Variants in NBEA observed in about 807,000 individuals in gnomAD.
The protein encoded by NBEA is lysosomal-trafficking regulator 2.
In NBEA, 44 loss-of-function variants were observed where a neutral mutation model predicts 343.4. The ratio of observed to expected loss-of-function variants is 0.13; its 90% confidence interval spans 0.10 to 0.16. The LOEUF (loss-of-function observed/expected upper bound fraction) is 0.16. Among genes scored for constraint, NBEA ranks in the 10% least tolerant of loss-of-function variants. The pLI is 1.00. For synonymous variants in NBEA, 1,175 were observed against 1,238.7 expected (o/e 0.95, Z 1.08); for missense variants, 2,555 against 3,631.3 (o/e 0.70, Z 7.62).
chr13:35,522,495 A>G (rs926546871), intron 41 of NBEA, among the ~76,000 whole-genome samples: 7 of 144,200 alleles, frequency 4.9e-5, no homozygotes, highest in East Asian at 2.3e-4. Context: ...AAAAAAAAAA[A>G]AAAAAAAAAA....
At chr13:35,500,045 C>T (rs2076826166) in intron 41 of NBEA, among the ~76,000 whole-genome samples, 1 of 152,130 alleles carries the variant, frequency 6.6e-6, no homozygotes, top group Non-Finnish European at 1.5e-5. Context: ...GTCAAGCGTA[C>T]TCTGAAGAGT....
At chr13:35,206,159 AT>A (rs199677983) in intron 31 of NBEA, among the ~76,000 whole-genome samples, 2 of 151,378 alleles carry the variant, frequency 1.3e-5, no homozygotes, top group East Asian at 1.9e-4. Flanking sequence ...GGATTTAGAG[AT>A]TTTTTTTCTC....
chr13:35,445,591 A>G (rs923129230), intron 39 of NBEA, among the ~76,000 whole-genome samples: 1 of 151,698 alleles, frequency 6.6e-6, no homozygotes, highest in Non-Finnish European at 1.5e-5. Context: ...AGTACATGAA[A>G]AGTAACTTAA....
At chr13:35,065,726 C>T (rs930486538) in intron 8 of NBEA, among the ~76,000 whole-genome samples, 9 of 152,078 alleles carry the variant, frequency 5.9e-5, no homozygotes, top group African/African-American at 1.7e-4. Context: ...AGGAAAGCTA[C>T]AAGCACTATC....
At chr13:35,317,444 G>A (rs952508678) in intron 36 of NBEA, among the ~76,000 whole-genome samples, 2 of 152,062 alleles carry the variant, frequency 1.3e-5, no homozygotes, top group East Asian at 3.9e-4. Flanking sequence ...TGAGGCCTCT[G>A]TTCTATTCCG....
Position 35,671,152 on chromosome 13 carries a change from TTG to T in NBEA, c.*167_*168del. 1 of 569,504 alleles carries T rather than the reference TTG, an allele frequency of 1.8e-6. No individual in the cohort carries two copies. The allele number at this position is 569,504 out of a possible 1,614,324, so 35.3% of individuals were successfully genotyped here. ...CATTGTAGTCAGCAACCATTTTACT[TTG>T]TGTGTTTTTTCACGACTGAACACCA... is the stretch of plus-strand genomic sequence containing the variant. On this transcript the variant is annotated 3_prime_UTR_variant, in exon 59 of 59. Coordinates refer to ENST00000379939, the MANE Select transcript of NBEA (RefSeq NM_001385012.1).
rs117067849 is a variant in NBEA at position 35,357,287 on chromosome 13, T to C, written c.6179+4964T>C. Among the ~76,000 whole-genome samples, 802 of 152,084 alleles carry C rather than the reference T, an allele frequency of 5.3e-3. 3 individuals carry two copies. Among genetic ancestry groups the C allele is most frequent in the Non-Finnish European group, 8.7e-3 (590 of 67,946 alleles). Reference sequence around the variant, plus strand: ...ATCTCGAACAGAGAGGTTTTTTTGTTTTTCTTTTTTGTTGTTTTTTTTTTA... The same window carrying C: ...ATCTCGAACAGAGAGGTTTTTTTGTCTTTCTTTTTTGTTGTTTTTTTTTTA... On this transcript the variant is annotated intron_variant, in intron 38 of 58. Transcript: ENST00000379939.
intron 38 of NBEA, among the ~76,000 whole-genome samples, chr13:35,406,074 C>T (rs2043253212): frequency 6.6e-6 from 1 of 151,968 alleles, no homozygotes; most frequent in Non-Finnish European, 1.5e-5. Context: ...GTTAAAGACG[C>T]GAAGAGTGAA....
At chr13:35,263,528 A>G (rs1345590442) in intron 34 of NBEA, among the ~76,000 whole-genome samples, 1 of 152,160 alleles carries the variant, frequency 6.6e-6, no homozygotes, top group Non-Finnish European at 1.5e-5. Context: ...AACATGTATC[A>G]CAAAACAAGT....
chr13:35,556,075 C>T (rs373991950), intron 44 of NBEA, among the ~76,000 whole-genome samples: 45 of 151,808 alleles, frequency 3.0e-4, no homozygotes, highest in African/African-American at 1.1e-3. Flanking sequence ...TATTAAAATG[C>T]TTTTTCACTT....
intron 11 of NBEA, among the ~76,000 whole-genome samples, chr13:35,100,038 A>C (rs1263335230): frequency 6.6e-6 from 1 of 152,136 alleles, no homozygotes; most frequent in Non-Finnish European, 1.5e-5. Context: ...CTAAGGGATA[A>C]ACATATTTCC....
At chr13:34,978,342 A>T (rs1234791034) in intron 1 of NBEA, among the ~76,000 whole-genome samples, 1 of 152,204 alleles carries the variant, frequency 6.6e-6, no homozygotes, top group Non-Finnish European at 1.5e-5. Flanking sequence ...CCTAGAGTCT[A>T]CAATTTACAT....
chr13:34,953,712 C>T (rs1363409099), intron 1 of NBEA, among the ~76,000 whole-genome samples: 1 of 152,150 alleles, frequency 6.6e-6, no homozygotes. Context: ...ATGGTTGCAT[C>T]CATACTAAAC....
At chr13:35,253,941 A>C (rs2032277895) in intron 34 of NBEA, among the ~76,000 whole-genome samples, 2 of 152,192 alleles carry the variant, frequency 1.3e-5, no homozygotes, top group Admixed American at 6.5e-5. Context: ...TTCGTGATCC[A>C]AGTTGAATAA....
intron 47 of NBEA, among the ~76,000 whole-genome samples, chr13:35,597,211 T>C (rs911068248): frequency 2.6e-5 from 4 of 152,172 alleles, no homozygotes; most frequent in Non-Finnish European, 5.9e-5. Context: ...TGACAGAATG[T>C]ATATAATACT....
rs140975932 is a variant in NBEA, at chr13:35,139,292, C to T, written c.2337-2977C>T. 2.1e-3 allele frequency among the ~76,000 whole-genome samples: 317 copies of T among 152,100 alleles called. 8 individuals are homozygous for T. In the East Asian group the frequency reaches 0.051, roughly 24 times the overall value. On this transcript the variant is annotated intron_variant, in intron 17 of 58. Coordinates refer to ENST00000379939, the MANE Select transcript of NBEA (RefSeq NM_001385012.1). The stretch of plus-strand genomic sequence containing the variant: ...GCCATGCTGGTCTTGAACTCCTGAC[C>T]TCAAGTGATCCGCCTGCCTCGGCCT...
At chr13:35,600,346 A>G (rs550300482) in intron 47 of NBEA, among the ~76,000 whole-genome samples, 17 of 152,312 alleles carry the variant, frequency 1.1e-4, no homozygotes, top group Middle Eastern at 3.4e-3. Flanking sequence ...GAATTTTTGC[A>G]TGCCTCACAT....
intron 10 of NBEA, among the ~76,000 whole-genome samples, chr13:35,079,123 C>T (rs1276481547): frequency 6.6e-6 from 1 of 151,988 alleles, no homozygotes; most frequent in Non-Finnish European, 1.5e-5. Flanking sequence ...AGCAGAATAC[C>T]ATAAGGCTGA....
intron 41 of NBEA, chr13:35,476,394 A>C (rs1043071827): frequency 4.6e-6 from 5 of 1,098,060 alleles, no homozygotes; most frequent in Non-Finnish European, 6.8e-6. Flanking sequence ...CCGTTCTTAA[A>C]GTGAAAGACT....
Sources: gnomAD v4.1 joint callset for allele counts (sites outside exome capture counted in the v4.1 genomes callset) on GRCh38, gnomAD v4.1.1 for gene constraint, MANE v1.5 for transcripts, NCBI Gene and HGNC (gene_info 2026-07-23, HGNC 2026-07-21) for gene names.